EXOC6B: variants seen among roughly 807,000 people sequenced by gnomAD.
EXOC6B encodes exocyst complex component 6B.
EXOC6B carries 54 observed loss-of-function variants against 113.5 expected under a neutral mutation model. That is an observed-to-expected ratio of 0.48 (90% CI 0.38 to 0.60). EXOC6B has a LOEUF of 0.60. EXOC6B is among the 20% of genes least tolerant of loss of function. EXOC6B has a pLI of 0.00. For missense variants in EXOC6B, 797 were observed against 977.5 expected (o/e 0.82, Z 2.46); for synonymous variants, 357 against 339.0 (o/e 1.05, Z -0.58).
chr2:72,593,793 T>C (rs1465959310), intron 6 of EXOC6B, among the ~76,000 whole-genome samples: 1 of 152,188 alleles, frequency 6.6e-6, no homozygotes, highest in Non-Finnish European at 1.5e-5. Flanking sequence ...TTTATGCCTA[T>C]ATATTCAACA....
At chr2:72,510,451 A>T (rs1185108753) in intron 11 of EXOC6B, among the ~76,000 whole-genome samples, 1 of 151,392 alleles carries the variant, frequency 6.6e-6, no homozygotes, top group East Asian at 1.9e-4. Context: ...TAATAGCTAG[A>T]AAAAAAACAA....
At chr2:72,679,073 C>CTT (rs549104274) in intron 6 of EXOC6B, among the ~76,000 whole-genome samples, 1 of 146,270 alleles carries the variant, frequency 6.8e-6, no homozygotes. Flanking sequence ...CATATAATCT[C>CTT]TTTTTTTTTT....
chr2:72,703,765 A>C (rs1351624633), intron 6 of EXOC6B, among the ~76,000 whole-genome samples: 1 of 116,530 alleles, frequency 8.6e-6, no homozygotes, highest in Non-Finnish European at 1.7e-5. Context: ...ATTTTTGTAC[A>C]TTGATTTTGT....
At chr2:72,453,515 T>C (rs992615600) in intron 18 of EXOC6B, among the ~76,000 whole-genome samples, 9 of 152,312 alleles carry the variant, frequency 5.9e-5, no homozygotes, top group East Asian at 3.9e-4. Context: ...TTTTTACATG[T>C]TTGCAATAAT....
At chr2:72,329,480 C>T (rs1348863015) in intron 20 of EXOC6B, among the ~76,000 whole-genome samples, 2 of 151,982 alleles carry the variant, frequency 1.3e-5, no homozygotes, top group African/African-American at 4.8e-5. Flanking sequence ...TGGTATATTG[C>T]TGTATCAGAA....
intron 19 of EXOC6B, among the ~76,000 whole-genome samples, chr2:72,365,305 A>C (rs753675971): frequency 6.6e-6 from 1 of 152,286 alleles, no homozygotes; most frequent in African/African-American, 2.4e-5. Flanking sequence ...GGTTATGATA[A>C]ACTAATAGGC....
At chr2:72,733,300 T>C (rs1437721298) in intron 2 of EXOC6B, among the ~76,000 whole-genome samples, 182 bp from the exon 3 acceptor site, 1 of 152,176 alleles carries the variant, frequency 6.6e-6, no homozygotes, top group Non-Finnish European at 1.5e-5. Context: ...ACTGGATGTT[T>C]GCATGACCTT....
chr2:72,271,403 G>A (rs994899723), intron 20 of EXOC6B, among the ~76,000 whole-genome samples: 1 of 152,098 alleles, frequency 6.6e-6, no homozygotes, highest in Non-Finnish European at 1.5e-5. Context: ...GAGGCCTTGA[G>A]AGTCAAAGTC....
At chr2:72,279,325 C>CA (rs889189152) in intron 20 of EXOC6B, among the ~76,000 whole-genome samples, 1 of 152,140 alleles carries the variant, frequency 6.6e-6, no homozygotes, top group African/African-American at 2.4e-5. Context: ...TCTGGAGTTA[C>CA]AAAATCACAC....
intron 6 of EXOC6B, among the ~76,000 whole-genome samples, chr2:72,603,368 G>T (rs1390124364): frequency 6.6e-6 from 1 of 151,750 alleles, no homozygotes; most frequent in Non-Finnish European, 1.5e-5. Context: ...CCCTCCCCTG[G>T]CCCCCCAGCA....
chr2:72,471,688 C>A (rs1698420483), intron 17 of EXOC6B, among the ~76,000 whole-genome samples: 1 of 152,092 alleles, frequency 6.6e-6, no homozygotes, highest in African/African-American at 2.4e-5. Context: ...ATTTGGATGC[C>A]TTTTATTTCT....
intron 1 of EXOC6B, among the ~76,000 whole-genome samples, chr2:72,814,674 T>C (rs1686117830): frequency 1.3e-5 from 2 of 152,196 alleles, no homozygotes; most frequent in South Asian, 4.1e-4. Flanking sequence ...CTCTTGGGAG[T>C]TAACAGATCT....
chr2:72,460,208 A>G (rs1474396834), intron 18 of EXOC6B, among the ~76,000 whole-genome samples: 1 of 152,150 alleles, frequency 6.6e-6, no homozygotes, highest in African/African-American at 2.4e-5. Flanking sequence ...AATTAATTCA[A>G]GATGGATTAA....
intron 20 of EXOC6B, among the ~76,000 whole-genome samples, chr2:72,274,021 C>A (rs1273933633): frequency 1.3e-5 from 2 of 152,032 alleles, no homozygotes; most frequent in African/African-American, 4.8e-5. Context: ...AATAAGAGTT[C>A]AGCGTTTGGA....
intron 20 of EXOC6B, among the ~76,000 whole-genome samples, chr2:72,290,568 AT>A (rs1685718038): frequency 2.0e-5 from 3 of 152,122 alleles, no homozygotes; most frequent in African/African-American, 7.2e-5. Flanking sequence ...AAATGTTTGT[AT>A]TCATATGACT....
At chr2:72,304,549 C>T (rs965698728) in intron 20 of EXOC6B, among the ~76,000 whole-genome samples, 1 of 151,752 alleles carries the variant, frequency 6.6e-6, no homozygotes, top group African/African-American at 2.4e-5. Context: ...TTTTAATTTC[C>T]ATAGTTAGAA....
intron 1 of EXOC6B, among the ~76,000 whole-genome samples, chr2:72,762,556 T>C (rs1682806925): frequency 6.6e-6 from 1 of 151,224 alleles, no homozygotes; most frequent in African/African-American, 2.4e-5. Flanking sequence ...AAAAAAAAAT[T>C]GTAAATCAAG....
chr2:72,360,930 CAAAAAAA>C (rs3063329), intron 19 of EXOC6B, among the ~76,000 whole-genome samples: 6 of 91,142 alleles, frequency 6.6e-5, no homozygotes, highest in Non-Finnish European at 1.1e-4. Flanking sequence ...GACTCCATCT[CAAAAAAA>C]AAAAAAAAAA....
chr2:72,658,286 T>TAAAAAAAAAAAAAAAAAA (rs60572283), intron 6 of EXOC6B, among the ~76,000 whole-genome samples: 1 of 58,726 alleles, frequency 1.7e-5, no homozygotes, highest in African/African-American at 7.4e-5. Flanking sequence ...TAAAAACTAG[T>TAAAAAAAAAAAAAAAAAA]AAAAAAAAAA....
Sources: allele counts gnomAD v4.1 joint callset (sites outside exome capture counted in the v4.1 genomes callset), GRCh38; gene constraint gnomAD v4.1.1; transcripts MANE v1.5; gene names NCBI Gene and HGNC (gene_info 2026-07-23, HGNC 2026-07-21).